The following ZC3HAV1 variants were observed in gnomAD, a reference collection of about 807,000 sequenced individuals.
ZC3HAV1 encodes the protein zinc finger CCCH-type antiviral protein 1.
A neutral mutation model predicts 86.6 loss-of-function variants in ZC3HAV1; 41 were observed. The ratio of observed to expected loss-of-function variants is 0.47; its 90% CI spans 0.37 to 0.61. The LOEUF is 0.61. ZC3HAV1 is among the 20% of genes least tolerant of loss of function. The pLI is 0.00. For missense variants in ZC3HAV1, 964 were observed against 1,141.1 expected, an observed-to-expected ratio of 0.84 and a Z score of 2.24; for synonymous variants, 421 against 432.1, an observed-to-expected ratio of 0.97 and a Z score of 0.32.
chr7:139,079,280 G>C, intron 4 of ZC3HAV1, 190 bp downstream of exon 4: 2 of 1,537,114 alleles, frequency 1.3e-6, no homozygotes, highest in Non-Finnish European at 1.7e-6. Context: ...AGGTGTGGTG[G>C]GGACCAGGTT....
intron 7 of ZC3HAV1, among the ~76,000 whole-genome samples, chr7:139,068,440 T>C (rs904347942): frequency 9.2e-5 from 14 of 152,240 alleles, no homozygotes; most frequent in Admixed American, 2.6e-4. Context: ...TTGCACCTGC[T>C]GTTTTTCAAG....
intron 2 of ZC3HAV1, 115 bp from the exon 3 acceptor site, chr7:139,084,147 AGGGGG>A: frequency 7.2e-7 from 1 of 1,388,362 alleles, no homozygotes; most frequent in African/African-American, 1.4e-5. Flanking sequence ...GATATACCAA[AGGGGG>A]AAAAATACAT....
chr7:139,076,144 ATTT>A (rs1816934354), intron 6 of ZC3HAV1, 139 bp downstream of exon 6: 2 of 1,385,124 alleles, frequency 1.4e-6, no homozygotes, highest in Non-Finnish European at 2.0e-6. Context: ...GGCATTTGCC[ATTT>A]TTTATCTCAA....
intron 5 of ZC3HAV1, among the ~76,000 whole-genome samples, chr7:139,077,007 C>A (rs1302111313): frequency 7.4e-6 from 1 of 135,698 alleles, no homozygotes; most frequent in Non-Finnish European, 1.5e-5. Context: ...TGCACCCCCC[C>A]AAGTGTATGA....
chr7:139,096,704 TACTC>T (rs1208351727), intron 1 of ZC3HAV1, among the ~76,000 whole-genome samples: 1 of 152,258 alleles, frequency 6.6e-6, no homozygotes, highest in Non-Finnish European at 1.5e-5. Flanking sequence ...TCATTTCTTT[TACTC>T]ACTCCCTCAA....
chr7:139,104,212 C>G (rs1040581058), intron 1 of ZC3HAV1, among the ~76,000 whole-genome samples: 9 of 151,536 alleles, frequency 5.9e-5, no homozygotes, highest in African/African-American at 2.2e-4. Flanking sequence ...TCCCATCTAC[C>G]CACCCCCACC....
intron 12 of ZC3HAV1, 34 bp downstream of exon 12, chr7:139,053,417 T>C: frequency 6.5e-7 from 1 of 1,537,820 alleles, no homozygotes; most frequent in Non-Finnish European, 8.7e-7. Context: ...GAGTTATGAC[T>C]CTACTAGTTA....
At position 139,108,271 on chromosome 7, in the gene ZC3HAV1, G is replaced by GA. The variant is rs764074617; in HGVS notation, c.308+752dup. 0.013 allele frequency among the ~76,000 whole-genome samples: 1,805 copies of GA among 138,754 alleles called. 26 individuals are homozygous for GA. Among genetic ancestry groups the GA allele is most frequent in the Middle Eastern group, 0.07 (19 of 270 alleles). The allele number at this position is 138,754 out of a possible 152,430, so 91.0% of individuals were successfully genotyped here. On this transcript the variant is annotated intron_variant, in intron 1 of 12. Transcript: ENST00000242351. This position sits in a 1 kb window ranked among gnomAD's most constrained non-coding sequence, Gnocchi z 4.2. ...CCTTGCAGCGCATCTGCATTTAGAC[G>GA]AAAAAAAAAAAAGGCAAACGGAAAC... is the stretch of plus-strand genomic sequence containing the variant.
chr7:139,078,667 A>C lies in ZC3HAV1; in HGVS notation c.1472-14T>G. On this transcript the variant is annotated splice_polypyrimidine_tract_variant and intron_variant, in intron 4 of 12. Coordinates refer to ENST00000242351, the MANE Select transcript of ZC3HAV1 (RefSeq NM_020119.4). ...CAGATAAAGAATCTATGAAACAAAA[A>C]AGGATGCATGTATGCTGATCTTAAT... The C allele has an allele frequency of 2.7e-5, 42 of 1,546,772 alleles. No homozygotes were observed. The highest frequency in any genetic ancestry group is 3.6e-5 in the Non-Finnish European group (41 of 1,149,946).
chr7:139,080,419 G>A (rs964572048), intron 3 of ZC3HAV1, among the ~76,000 whole-genome samples, 176 bp from the exon 4 acceptor site: 1 of 152,054 alleles, frequency 6.6e-6, no homozygotes, highest in East Asian at 1.9e-4. Context: ...TGACACTGAC[G>A]GTTTTTTTTG....
At chr7:139,104,797 G>A (rs1449635765) in intron 1 of ZC3HAV1, among the ~76,000 whole-genome samples, 3 of 151,140 alleles carry the variant, frequency 2.0e-5, no homozygotes, top group Non-Finnish European at 4.4e-5. Context: ...TGCACTTTGG[G>A]AGGCTGGGAA....
chr7:139,107,003 T>C (rs1817956027), intron 1 of ZC3HAV1, among the ~76,000 whole-genome samples: 1 of 151,880 alleles, frequency 6.6e-6, no homozygotes, highest in Non-Finnish European at 1.5e-5. Context: ...ATATCCATAG[T>C]AAGAAATAAA....
Position 139,109,047 on chromosome 7 carries a change from C to T in ZC3HAV1, c.285G>A (p.Arg95=). Residue 95 remains arginine, a synonymous_variant, in exon 1 of 13, where the codon CGG becomes CGA. Transcript: ENST00000242351. ...ACCGCTCGGACTGCGAATAGTTGCACCGGCCCAGCAAGTTGAGTTTGCAGA... is the reference window on the plus strand; with the variant it reads ...ACCGCTCGGACTGCGAATAGTTGCATCGGCCCAGCAAGTTGAGTTTGCAGA... The part of the protein sequence containing the change: ...LHLCKLNLLG[R]CNYSQSERNL... 6.3e-7 allele frequency: 1 copy of T among 1,578,742 alleles called. No individual in the cohort carries two copies. Among genetic ancestry groups the T allele is most frequent in the Non-Finnish European group, 8.6e-7 (1 of 1,158,988 alleles).
intron 2 of ZC3HAV1, among the ~76,000 whole-genome samples, chr7:139,086,449 C>T (rs572059616): frequency 7.1e-6 from 1 of 140,798 alleles, no homozygotes; most frequent in South Asian, 2.5e-4. Flanking sequence ...GGAAAGGGAG[C>T]CTTGGGTGAT....
chr7:139,071,294 G>C (rs1816766041), intron 7 of ZC3HAV1, among the ~76,000 whole-genome samples: 1 of 151,954 alleles, frequency 6.6e-6, no homozygotes, highest in Non-Finnish European at 1.5e-5. Context: ...TAGAGACACA[G>C]TTTCACCATG....
intron 11 of ZC3HAV1, 108 bp downstream of exon 11, chr7:139,053,856 AG>A: frequency 7.1e-7 from 1 of 1,405,706 alleles, no homozygotes; most frequent in Non-Finnish European, 9.5e-7. Flanking sequence ...TAGCGCCTAA[AG>A]GAACTGTTAA....
rs117588549 is a variant in ZC3HAV1 at position 139,062,752 on chromosome 7, G to A, written c.1994-1614C>T. Among the ~76,000 whole-genome samples, 1,417 of 152,248 alleles carry A rather than the reference G, an allele frequency of 9.3e-3. 16 individuals carry two copies. Among genetic ancestry groups the A allele is most frequent in the Non-Finnish European group, 0.01 (697 of 68,006 alleles). On this transcript the variant is annotated intron_variant, in intron 8 of 12. Transcript: ENST00000242351. The stretch of plus-strand genomic sequence containing the variant: ...AGTTCAGGAATAGAAAAAGGCGGAC[G>A]GGTGCAGTGGCTCACGCCTGTAATC...
At position 139,070,288 on chromosome 7, in the gene ZC3HAV1, T is replaced by C. The variant is rs553070586; in HGVS notation, c.1872+3568A>G. 5.9e-5 allele frequency among the ~76,000 whole-genome samples: 9 copies of C among 152,016 alleles called. No homozygotes were observed. The South Asian group carries it at 1.9e-3, about 32-fold the overall frequency. ...AAAAACTCCACAGTTTTCATGGGAA[T>C]CCAGAATATAAAAATAAAAATAAAT... On this transcript the variant is annotated intron_variant, in intron 7 of 12. Transcript: ENST00000242351.
At chr7:139,093,899 A>C (rs1410978258) in intron 1 of ZC3HAV1, among the ~76,000 whole-genome samples, 2 of 151,946 alleles carry the variant, frequency 1.3e-5, no homozygotes, top group Non-Finnish European at 1.5e-5. Context: ...TTCAGGTGGC[A>C]GAACCTTCCT....
Sources: allele counts gnomAD v4.1 joint callset (sites outside exome capture counted in the v4.1 genomes callset), GRCh38; gene constraint gnomAD v4.1.1; non-coding constraint Gnocchi (gnomAD v3.1); transcripts MANE v1.5; gene names NCBI Gene and HGNC (gene_info 2026-07-23, HGNC 2026-07-21).